PAK1: variants seen among roughly 807,000 people sequenced by gnomAD.
PAK1 encodes serine/threonine-protein kinase PAK 1.
PAK1 carries 29 observed loss-of-function variants against 67.4 expected under a neutral mutation model. The observed-to-expected ratio is 0.43, with a 90% CI of 0.32 to 0.59. The LOEUF (loss-of-function observed/expected upper bound fraction) is 0.59, where lower values mean the gene tolerates loss of function less well. PAK1 is among the 20% of genes least tolerant of loss of function. The pLI is 0.07. For missense variants in PAK1, 337 were observed against 670.7 expected (o/e 0.50, Z 5.50); for synonymous variants, 223 against 237.4 (o/e 0.94, Z 0.56).
At chr11:77,378,130 G>A (rs921147454) in intron 4 of PAK1, among the ~76,000 whole-genome samples, 1 of 152,196 alleles carries the variant, frequency 6.6e-6, no homozygotes, top group Non-Finnish European at 1.5e-5. Context: ...ATTTGAAGGA[G>A]GCAACATGAG....
At chr11:77,449,901 T>C (rs1956784129) in intron 1 of PAK1, among the ~76,000 whole-genome samples, 1 of 152,166 alleles carries the variant, frequency 6.6e-6, no homozygotes, top group Non-Finnish European at 1.5e-5. Context: ...ACATGCATCT[T>C]CAAGGAGCTT....
chr11:77,422,503 C>T (rs947409087), intron 1 of PAK1, among the ~76,000 whole-genome samples: 2 of 150,386 alleles, frequency 1.3e-5, no homozygotes, highest in East Asian at 2.0e-4. Flanking sequence ...TGCAGTAAGC[C>T]GAGATCGCGC....
At chr11:77,411,474 G>A (rs545829391) in intron 1 of PAK1, among the ~76,000 whole-genome samples, 28 of 151,754 alleles carry the variant, frequency 1.8e-4, no homozygotes, top group Non-Finnish European at 3.7e-4. Flanking sequence ...TGGCCACCAA[G>A]CAGAAGGGCG....
chr11:77,349,765 T>A (rs1379465258), intron 8 of PAK1, among the ~76,000 whole-genome samples: 1 of 151,752 alleles, frequency 6.6e-6, no homozygotes, highest in Non-Finnish European at 1.5e-5. Context: ...AAACTCTTCA[T>A]CTATAAAAGG....
At chr11:77,460,100 G>A (rs1230731687) in intron 1 of PAK1, among the ~76,000 whole-genome samples, 1 of 150,408 alleles carries the variant, frequency 6.6e-6, no homozygotes, top group African/African-American at 2.4e-5. Flanking sequence ...CAAACCAGGG[G>A]TAAAGAACAG....
chr11:77,399,523 G>A (rs1433325828), intron 1 of PAK1, among the ~76,000 whole-genome samples: 1 of 152,154 alleles, frequency 6.6e-6, no homozygotes, highest in Admixed American at 6.5e-5. Context: ...TACTCAGGGA[G>A]AAGTATATTA....
chr11:77,447,495 G>T (rs1001861967), intron 1 of PAK1, among the ~76,000 whole-genome samples: 1 of 152,070 alleles, frequency 6.6e-6, no homozygotes, highest in Non-Finnish European at 1.5e-5. Flanking sequence ...CATGTCCAAA[G>T]GTAGGTGTTG....
intron 9 of PAK1, among the ~76,000 whole-genome samples, chr11:77,345,243 T>C (rs993424598): frequency 1.5e-4 from 22 of 151,546 alleles, no homozygotes; most frequent in Admixed American, 5.3e-4. Flanking sequence ...ACACAGGCCT[T>C]TACACACAGA....
intron 4 of PAK1, among the ~76,000 whole-genome samples, chr11:77,375,206 C>T (rs978622962): frequency 2.6e-5 from 4 of 152,276 alleles, no homozygotes; most frequent in East Asian, 1.9e-4. Context: ...CTAAATACTA[C>T]GCTAGAACTG....
intron 1 of PAK1, among the ~76,000 whole-genome samples, chr11:77,459,008 T>C (rs1186224693): frequency 2.0e-5 from 3 of 152,178 alleles, no homozygotes; most frequent in East Asian, 1.9e-4. Flanking sequence ...AAGTTGCATC[T>C]TGAGGAATAA....
At chr11:77,477,226 G>A (rs189184714), upstream of PAK1, among the ~76,000 whole-genome samples, 145 of 152,182 alleles carry the variant, frequency 9.5e-4, 1 homozygote, top group African/African-American at 2.9e-3. Context: ...CTCACTTAAC[G>A]CCATCAATGG....
chr11:77,437,963 C>T (rs1402872946), intron 1 of PAK1, among the ~76,000 whole-genome samples: 1 of 152,170 alleles, frequency 6.6e-6, no homozygotes, highest in Non-Finnish European at 1.5e-5. Flanking sequence ...CAAGAGCTAA[C>T]TCAACAATAT....
At chr11:77,501,024 G>A in the PAK1 span, among the ~76,000 whole-genome samples, 1 of 151,800 alleles carries the variant, frequency 6.6e-6, no homozygotes, top group African/African-American at 2.4e-5. Flanking sequence ...GGTGGCAGGC[G>A]CCTGTAGTCC....
chr11:77,448,900 T>C (rs1479515571), intron 1 of PAK1, among the ~76,000 whole-genome samples: 1 of 152,168 alleles, frequency 6.6e-6, no homozygotes, highest in Non-Finnish European at 1.5e-5. Flanking sequence ...TTATAAAGAA[T>C]TGTCATGTGG....
chr11:77,351,519 A>T (rs1487958171), intron 8 of PAK1, among the ~76,000 whole-genome samples: 3 of 152,110 alleles, frequency 2.0e-5, no homozygotes, highest in Non-Finnish European at 2.9e-5. Context: ...AAGCAAAATA[A>T]TTTTTTTCTC....
chr11:77,429,748 T>C (rs989116878), intron 1 of PAK1, among the ~76,000 whole-genome samples: 1 of 152,240 alleles, frequency 6.6e-6, no homozygotes, highest in Admixed American at 6.5e-5. Flanking sequence ...GATTCTGAAC[T>C]ATATTCTTTT....
At position 77,340,577 on chromosome 11, in the gene PAK1, C is replaced by G; in HGVS notation, c.1116+69G>C. On this transcript the variant is annotated intron_variant, in intron 11 of 14. Coordinates refer to ENST00000356341, the MANE Select transcript of PAK1 (RefSeq NM_002576.5). Reference sequence around the variant, plus strand: ...GAGCCCAGGCTGAGATCTCACTGTACAGGGAACTTCAGGAGACAGGAATAT... The same window carrying G: ...GAGCCCAGGCTGAGATCTCACTGTAGAGGGAACTTCAGGAGACAGGAATAT... 3 of 809,812 alleles carry G rather than the reference C, an allele frequency of 3.7e-6. 1 individual carries two copies. The highest frequency in any genetic ancestry group is 6.7e-6 in the Non-Finnish European group (3 of 446,668). 50.2% of individuals were successfully genotyped at this position (809,812 alleles called of 1,614,324 possible). A position where few individuals can be genotyped will look rare whatever the true frequency, so the allele number is the denominator to read the frequency against.
At chr11:77,394,872 C>A (rs1266485826) in intron 1 of PAK1, among the ~76,000 whole-genome samples, 1 of 150,734 alleles carries the variant, frequency 6.6e-6, no homozygotes, top group Non-Finnish European at 1.5e-5. Context: ...AACAAAATAC[C>A]CTTCATTGAC....
At chr11:77,402,867 C>A (rs1046996341) in intron 1 of PAK1, among the ~76,000 whole-genome samples, 1 of 152,206 alleles carries the variant, frequency 6.6e-6, no homozygotes, top group African/African-American at 2.4e-5. Flanking sequence ...CTACAGTTTT[C>A]ATTTACTTCA....
Sources: gnomAD v4.1 joint callset for allele counts (sites outside exome capture counted in the v4.1 genomes callset) on GRCh38, gnomAD v4.1.1 for gene constraint, MANE v1.5 for transcripts, NCBI Gene and HGNC (gene_info 2026-07-23, HGNC 2026-07-21) for gene names.